The following CCDC30 variants were observed in gnomAD, a reference collection of about 807,000 sequenced individuals.
CCDC30 encodes coiled-coil domain containing 30, also known as coiled-coil domain-containing protein 30.
CCDC30 carries 70 observed loss-of-function variants against 100.2 expected under a neutral mutation model. That is an observed-to-expected ratio of 0.70 (90% confidence interval 0.58 to 0.85). CCDC30 has a LOEUF of 0.85. Ranked by LOEUF, CCDC30 falls within the 40% of genes least tolerant of loss-of-function variation. The pLI is 0.00. For missense variants in CCDC30, 652 were observed against 771.2 expected (o/e 0.85, Z 1.83); for synonymous variants, 233 against 269.5 (o/e 0.86, Z 1.33).
Position 42,589,470 on chromosome 1 carries a change from G to A in CCDC30, c.1151G>A (p.Arg384Lys), listed in dbSNP as rs867321109. 4 of 1,613,162 alleles carry A rather than the reference G, an allele frequency of 2.5e-6. No homozygotes were observed. The African/African-American group carries it at 5.3e-5, about 22-fold the overall frequency. Residue 384 changes from arginine (R) to lysine (K), a missense_variant, in exon 10 of 17, where the codon AGA (arginine) becomes AAA (lysine). By Grantham distance (26) the Arg-to-Lys change is conservative (BLOSUM62 2). Transcript: ENST00000668663. ...CTTAAACAACTGGAAAATGAAAAAA[G>A]AAAATATGATGAGGTAAGAAAGTAA...
intron 1 of CCDC30, among the ~76,000 whole-genome samples, chr1:42,472,592 C>A (rs781263975): frequency 2.0e-5 from 3 of 151,890 alleles, no homozygotes; most frequent in Non-Finnish European, 4.4e-5. Context: ...GAAACAAGAG[C>A]CCTTTGGGAG....
intron 6 of CCDC30, among the ~76,000 whole-genome samples, chr1:42,524,624 T>C (rs1448136066): frequency 6.6e-6 from 1 of 152,128 alleles, no homozygotes. Flanking sequence ...AAGGAAAGCA[T>C]CCTTGTTGTC....
In CCDC30 at chr1:42,589,263, A is replaced by C. The variant is rs1024228436; in HGVS notation, c.1002-58A>C. On this transcript the variant is annotated intron_variant, in intron 9 of 16. Coordinates refer to ENST00000668663, the Ensembl canonical transcript of CCDC30. Reference sequence around the variant, plus strand: ...TCCCTTGTGATGCCATAAAAATTTTAGGTCTGAATTTCATTTGCAATTCAT... The same window carrying C: ...TCCCTTGTGATGCCATAAAAATTTTCGGTCTGAATTTCATTTGCAATTCAT... 8 of 1,385,930 alleles carry C rather than the reference A, an allele frequency of 5.8e-6. No individual in the cohort carries two copies. The South Asian group carries it at 5.8e-5, about 10-fold the overall frequency. The allele number at this position is 1,385,930 out of a possible 1,614,324, so 85.9% of individuals were successfully genotyped here.
chr1:42,639,089 G>C (rs72967292), intron 12 of CCDC30, among the ~76,000 whole-genome samples: 1 of 152,102 alleles, frequency 6.6e-6, no homozygotes, highest in Non-Finnish European at 1.5e-5. Flanking sequence ...GTTGAATAGC[G>C]TCCCTCAAAT....
At chr1:42,475,650 T>C (rs1371756698) in intron 1 of CCDC30, among the ~76,000 whole-genome samples, 1 of 152,232 alleles carries the variant, frequency 6.6e-6, no homozygotes, top group Non-Finnish European at 1.5e-5. Flanking sequence ...GTTTTAAGTG[T>C]ATTTTCTGCC....
intron 6 of CCDC30, among the ~76,000 whole-genome samples, chr1:42,529,207 C>T (rs1644770848): frequency 6.6e-6 from 1 of 152,190 alleles, no homozygotes; most frequent in Non-Finnish European, 1.5e-5. Context: ...GCTGCGGTGG[C>T]TCACGCCTGT....
intron 6 of CCDC30, among the ~76,000 whole-genome samples, chr1:42,510,552 G>A (rs1460584577): frequency 6.6e-6 from 1 of 152,044 alleles, no homozygotes; most frequent in Non-Finnish European, 1.5e-5. Context: ...AGCTACTTGG[G>A]AGGCTGAGGC....
intron 6 of CCDC30, among the ~76,000 whole-genome samples, chr1:42,542,082 A>T (rs1166548659): frequency 6.6e-6 from 1 of 152,246 alleles, no homozygotes; most frequent in Non-Finnish European, 1.5e-5. Flanking sequence ...CTACTTAAAC[A>T]TGGCTGATTA....
chr1:42,516,971 T>A (rs1405189859), intron 6 of CCDC30, among the ~76,000 whole-genome samples: 1 of 152,248 alleles, frequency 6.6e-6, no homozygotes, highest in Non-Finnish European at 1.5e-5. Context: ...TTGGTTTTTC[T>A]TATAAGTTTT....
intron 15 of CCDC30, among the ~76,000 whole-genome samples, chr1:42,649,686 A>G (rs1648172113): frequency 6.6e-6 from 1 of 152,212 alleles, no homozygotes. Flanking sequence ...GATCTTATAT[A>G]TAGAAATCCC....
Position 42,651,841 on chromosome 1 carries a change from T to G in CCDC30, c.1855-1535T>G, listed in dbSNP as rs192957931. 2.7e-4 allele frequency among the ~76,000 whole-genome samples: 41 copies of G among 152,274 alleles called. No homozygotes were observed. In the East Asian group the frequency reaches 7.9e-3, roughly 29 times the overall value. On this transcript the variant is annotated intron_variant, in intron 15 of 16. Coordinates refer to ENST00000668663, the Ensembl canonical transcript of CCDC30. ...GTGAACTATGTTCATGCTACTGCACTCCAGCCTGGGTGACAGAGCAACACC... is the reference window on the plus strand; with the variant it reads ...GTGAACTATGTTCATGCTACTGCACGCCAGCCTGGGTGACAGAGCAACACC...
chr1:42,537,250 A>G (rs1308063187), intron 6 of CCDC30: 1 of 456,286 alleles, frequency 2.2e-6, no homozygotes, highest in South Asian at 1.5e-5. Context: ...AAGATCTATC[A>G]GGAGACATAA....
At chr1:42,468,879 G>T (rs1411582498) in intron 1 of CCDC30, among the ~76,000 whole-genome samples, 1 of 152,150 alleles carries the variant, frequency 6.6e-6, no homozygotes, top group African/African-American at 2.4e-5. Context: ...TAGTGAGAAG[G>T]GCAGAGAGCT....
At chr1:42,493,181 G>A (rs1044638872) in intron 4 of CCDC30, among the ~76,000 whole-genome samples, 3 of 151,716 alleles carry the variant, frequency 2.0e-5, no homozygotes, top group African/African-American at 7.3e-5. Context: ...AGCAGAATAA[G>A]AACAATAAGA....
intron 6 of CCDC30, among the ~76,000 whole-genome samples, chr1:42,527,833 C>T (rs1287786909): frequency 1.3e-5 from 2 of 151,854 alleles, no homozygotes; most frequent in Non-Finnish European, 2.9e-5. Flanking sequence ...ATCTTCTCTA[C>T]TCTTTCTTTT....
chr1:42,502,239 C>T (rs1334097197), intron 6 of CCDC30, among the ~76,000 whole-genome samples: 5 of 151,894 alleles, frequency 3.3e-5, no homozygotes, highest in Admixed American at 6.6e-5. Flanking sequence ...GCTCCATGGG[C>T]GTGGGACCCT....
At chr1:42,507,168 C>G (rs1644407266) in intron 6 of CCDC30, among the ~76,000 whole-genome samples, 1 of 152,150 alleles carries the variant, frequency 6.6e-6, no homozygotes, top group South Asian at 2.1e-4. Context: ...CTCAGGTGAT[C>G]CATCCGCCTT....
At chr1:42,579,664 GAAGC>G (rs993280508) in intron 8 of CCDC30, among the ~76,000 whole-genome samples, 2 of 151,268 alleles carry the variant, frequency 1.3e-5, no homozygotes, top group Non-Finnish European at 2.9e-5. Context: ...AAGAGAGAGA[GAAGC>G]AAGGAAGAAA....
chr1:42,490,215 A>G (rs1569784785), exon 4 of CCDC30: 1 of 1,208,352 alleles, frequency 8.3e-7, no homozygotes, highest in East Asian at 3.2e-5. Flanking sequence ...AATTTGGTAA[A>G]GCTGAAAGAA....
Sources: gnomAD v4.1 joint callset for allele counts (sites outside exome capture counted in the v4.1 genomes callset) on GRCh38, gnomAD v4.1.1 for gene constraint, MANE v1.5 for transcripts, NCBI Gene and HGNC (gene_info 2026-07-23, HGNC 2026-07-21) for gene names.